The following NELL2 variants were observed in gnomAD, a reference collection of about 807,000 sequenced individuals.
NELL2 encodes the protein protein kinase C-binding protein NELL2.
A neutral mutation model predicts 109.6 loss-of-function variants in NELL2; 41 were observed. The observed-to-expected ratio is 0.37, with a 90% confidence interval of 0.29 to 0.49. The LOEUF is 0.49. Ranked by LOEUF, NELL2 falls within the 20% of genes least tolerant of loss-of-function variation. The probability of loss-of-function intolerance (pLI) is 0.98; values close to 1 mark genes in which losing one functional copy is unlikely to be tolerated. For missense variants in NELL2, 900 were observed against 1,008.3 expected (o/e 0.89, Z 1.45); for synonymous variants, 355 against 344.7 (o/e 1.03, Z -0.33).
At position 44,522,046 on chromosome 12, in the gene NELL2, T is replaced by C. The variant is rs1185053350; in HGVS notation, c.2129A>G (p.Asn710Ser). The C allele has an allele frequency of 6.2e-7, 1 of 1,614,106 alleles. No homozygotes were observed. Among genetic ancestry groups the C allele is most frequent in the East Asian group, 2.2e-5 (1 of 44,864 alleles). ...ATTCTGGACCCAGGTGTCACCACTG[T>C]TATACAAAGTTTCCCCATTTTGATG... is the stretch of plus-strand genomic sequence containing the variant. ...CLHQNGETLY[N>S]SGDTWVQNCQ... The change falls in exon 18 of 20, where the codon AAC becomes AGC. Residue 710 changes from asparagine to serine, a missense_variant. Asn to Ser is a conservative substitution (Grantham distance 46). Around this residue, in one of 4 missense-constraint regions of NELL2, gnomAD observed 333 missense variants for 432.3 expected, o/e 0.77. Transcript: ENST00000429094.
intron 3 of NELL2, among the ~76,000 whole-genome samples, chr12:44,789,568 T>A (rs1942305991): frequency 6.6e-6 from 1 of 151,986 alleles, no homozygotes; most frequent in African/African-American, 2.4e-5. Flanking sequence ...TAGGGCTCTT[T>A]AACACCCCCC....
intron 9 of NELL2, among the ~76,000 whole-genome samples, chr12:44,728,287 A>G (rs1012741621): frequency 6.6e-6 from 1 of 152,080 alleles, no homozygotes; most frequent in African/African-American, 2.4e-5. Flanking sequence ...ATCAATAGAC[A>G]GTAATTTTTT....
At chr12:44,587,288 T>A (rs28607172) in intron 15 of NELL2, among the ~76,000 whole-genome samples, 4,302 of 41,912 alleles carry the variant, frequency 0.1, 400 homozygotes, top group African/African-American at 0.31. Context: ...AAAAAAAATA[T>A]ATATATATAT....
chr12:44,680,610 C>A (rs1304137927), intron 12 of NELL2, among the ~76,000 whole-genome samples: 1 of 152,048 alleles, frequency 6.6e-6, no homozygotes, highest in Non-Finnish European at 1.5e-5. Flanking sequence ...TAATGCCCGC[C>A]TCTTCACCAA....
chr12:44,540,682 G>A (rs1390689921), intron 15 of NELL2, among the ~76,000 whole-genome samples: 4 of 146,588 alleles, frequency 2.7e-5, no homozygotes, highest in Non-Finnish European at 4.5e-5. Context: ...TGTAGAATTT[G>A]CTATTGTTTG....
chr12:44,752,788 T>C (rs556244672), intron 9 of NELL2, among the ~76,000 whole-genome samples: 5 of 152,274 alleles, frequency 3.3e-5, no homozygotes, highest in South Asian at 2.1e-4. Flanking sequence ...ACTGAAATTG[T>C]TGGCATCATT....
intron 1 of NELL2, among the ~76,000 whole-genome samples, chr12:44,906,172 G>A (rs1945717432): frequency 6.6e-6 from 1 of 151,910 alleles, no homozygotes; most frequent in Non-Finnish European, 1.5e-5. Flanking sequence ...CTAGGCAGAG[G>A]GAATAGCAAA....
chr12:44,733,819 T>C (rs1413185700), intron 9 of NELL2, among the ~76,000 whole-genome samples: 1 of 151,974 alleles, frequency 6.6e-6, no homozygotes, highest in African/African-American at 2.4e-5. Context: ...TGGAATGTTC[T>C]AGCATCTACT....
chr12:44,554,594 T>C (rs1943169174), intron 15 of NELL2, among the ~76,000 whole-genome samples: 2 of 152,188 alleles, frequency 1.3e-5, no homozygotes, highest in African/African-American at 4.8e-5. Context: ...ACTTTAAATA[T>C]GTGGGGTTTA....
At chr12:44,818,250 A>G (rs940740113) in intron 2 of NELL2, among the ~76,000 whole-genome samples, 40 of 152,204 alleles carry the variant, frequency 2.6e-4, no homozygotes, top group Non-Finnish European at 4.7e-4. Context: ...TTAACTTTTA[A>G]TTCATTCTAA....
At chr12:44,796,244 T>C (rs1473156259) in intron 3 of NELL2, among the ~76,000 whole-genome samples, 1 of 152,146 alleles carries the variant, frequency 6.6e-6, no homozygotes, top group Non-Finnish European at 1.5e-5. Flanking sequence ...ATACATTCTA[T>C]TAAAATATCA....
chr12:44,867,467 A>G (rs1159004475), intron 2 of NELL2, among the ~76,000 whole-genome samples: 1 of 152,226 alleles, frequency 6.6e-6, no homozygotes. Context: ...TGTATAGAAG[A>G]AATGTATCTC....
chr12:44,578,517 T>C (rs552361557), intron 15 of NELL2, among the ~76,000 whole-genome samples: 5 of 152,250 alleles, frequency 3.3e-5, no homozygotes, highest in South Asian at 2.1e-4. Context: ...CACAATAAAA[T>C]TGTATGAAGG....
chr12:44,872,144 C>T (rs952209713), intron 2 of NELL2, among the ~76,000 whole-genome samples: 1 of 151,822 alleles, frequency 6.6e-6, no homozygotes, highest in Non-Finnish European at 1.5e-5. Flanking sequence ...GAAAGTAGAA[C>T]CCTTTATAAC....
At chr12:44,535,049 A>C (rs1686643529) in intron 15 of NELL2, among the ~76,000 whole-genome samples, 2 of 151,910 alleles carry the variant, frequency 1.3e-5, no homozygotes, top group Admixed American at 1.3e-4. Flanking sequence ...AACTTCCTTG[A>C]TTTATAAATA....
Position 44,774,834 on chromosome 12 carries a change from A to G in NELL2, c.907T>C (p.Cys303Arg), listed in dbSNP as rs1319564314. 6.2e-7 allele frequency: 1 copy of G among 1,613,188 alleles called. No individual in the cohort carries two copies. Among genetic ancestry groups the G allele is most frequent in the Admixed American group, 1.7e-5 (1 of 59,998 alleles). ...NCTCLNGTIQ[C>R]ETLICPNPDC... ...GGATTTGGGCAGATTAGAGTTTCAC[A>G]CTGGATGGTTCCATTCTGAAAAGGA... Residue 303 changes from cysteine to arginine, a missense_variant, in exon 9 of 20, where the codon TGT (cysteine) becomes CGT (arginine). Physicochemically the swap from Cys to Arg is radical, Grantham distance 180. Around this residue, in one of 4 missense-constraint regions of NELL2, gnomAD observed 292 missense variants for 265.3 expected, o/e 1.10. Coordinates refer to ENST00000429094, the MANE Select transcript of NELL2 (RefSeq NM_001145108.2).
At chr12:44,526,589 C>G (rs542369111) in intron 16 of NELL2, among the ~76,000 whole-genome samples, 1 of 151,978 alleles carries the variant, frequency 6.6e-6, no homozygotes, top group Admixed American at 6.5e-5. Flanking sequence ...GCAATGGGGA[C>G]GCATAGAAAG....
chr12:44,670,478 C>T (rs1193744326), intron 12 of NELL2, among the ~76,000 whole-genome samples: 1 of 151,552 alleles, frequency 6.6e-6, no homozygotes, highest in Non-Finnish European at 1.5e-5. Flanking sequence ...TTAATAAAAA[C>T]CTTGAAAGTA....
chr12:44,680,888 A>G (rs1948473909), intron 12 of NELL2, among the ~76,000 whole-genome samples: 1 of 152,130 alleles, frequency 6.6e-6, no homozygotes, highest in Admixed American at 6.5e-5. Flanking sequence ...ATTTACTACA[A>G]TGTATGTTGC....
Sources: gnomAD v4.1 joint callset for allele counts (sites outside exome capture counted in the v4.1 genomes callset) on GRCh38, gnomAD v4.1.1 for gene constraint, gnomAD v4.1.1 regional missense constraint, MANE v1.5 for transcripts, NCBI Gene and HGNC (gene_info 2026-07-23, HGNC 2026-07-21) for gene names.